ARMH3: variants seen among roughly 807,000 people sequenced by gnomAD.
ARMH3 encodes the protein armadillo-like helical domain-containing protein 3.
A neutral mutation model predicts 99.1 loss-of-function variants in ARMH3; 60 were observed. The observed-to-expected ratio is 0.61, with a 90% CI of 0.49 to 0.75. The LOEUF is 0.75. Among genes scored for constraint, ARMH3 ranks in the 30% least tolerant of loss-of-function variants. ARMH3 has a pLI of 0.00. For synonymous variants in ARMH3, 285 were observed against 292.8 expected (o/e 0.97, Z 0.27); for missense variants, 679 against 843.1 (o/e 0.81, Z 2.41).
chr10:101,853,483 G>A (rs1158098377), intron 24 of ARMH3, among the ~76,000 whole-genome samples: 1 of 152,204 alleles, frequency 6.6e-6, no homozygotes, highest in Non-Finnish European at 1.5e-5. Context: ...CACTTAGGGA[G>A]AGGGCCATCT....
At chr10:101,898,683 C>T (rs764343424) in intron 23 of ARMH3, among the ~76,000 whole-genome samples, 1 of 152,244 alleles carries the variant, frequency 6.6e-6, no homozygotes, top group Admixed American at 6.5e-5. Flanking sequence ...AATACGCGCA[C>T]ACGCGCACAC....
chr10:101,864,073 A>AC (rs1252572038), intron 24 of ARMH3, among the ~76,000 whole-genome samples: 40 of 131,574 alleles, frequency 3.0e-4, no homozygotes, highest in East Asian at 1.1e-3. Flanking sequence ...AAAAAAAAAA[A>AC]AAAAAACACA....
At chr10:102,005,380 C>CAAAAA (rs11344018) in intron 14 of ARMH3, among the ~76,000 whole-genome samples, 3 of 64,904 alleles carry the variant, frequency 4.6e-5, no homozygotes, top group Non-Finnish European at 8.9e-5. Flanking sequence ...GACTCTGTCT[C>CAAAAA]AAAAAAAAAA....
chr10:101,954,236 C>A (rs1027858002), intron 22 of ARMH3, among the ~76,000 whole-genome samples: 1 of 152,116 alleles, frequency 6.6e-6, no homozygotes, highest in Non-Finnish European at 1.5e-5. Context: ...CAATAAGGTA[C>A]AAGAATGTTA....
chr10:101,949,278 C>A, intron 22 of ARMH3, among the ~76,000 whole-genome samples: 1 of 149,134 alleles, frequency 6.7e-6, no homozygotes, highest in Non-Finnish European at 1.5e-5. Flanking sequence ...AGAAAAAAAT[C>A]AATGAAACCA....
intron 24 of ARMH3, among the ~76,000 whole-genome samples, chr10:101,865,870 G>T (rs577635131): frequency 6.6e-6 from 1 of 152,030 alleles, no homozygotes; most frequent in Non-Finnish European, 1.5e-5. Context: ...GCCCTGTGAC[G>T]CTAATCATCT....
intron 13 of ARMH3, 148 bp downstream of exon 13, chr10:102,009,226 A>T: frequency 1.4e-6 from 1 of 718,844 alleles, no homozygotes; most frequent in Non-Finnish European, 2.4e-6. Context: ...ACAGCAGGAA[A>T]CAAAGGCAAC....
chr10:102,045,431 G>A (rs570324774), intron 1 of ARMH3, among the ~76,000 whole-genome samples: 1 of 152,274 alleles, frequency 6.6e-6, no homozygotes, highest in East Asian at 1.9e-4. Flanking sequence ...CCTCTTTGAG[G>A]AAATGGCACT....
At chr10:101,851,261 T>C (rs2066594029) in intron 24 of ARMH3, among the ~76,000 whole-genome samples, 1 of 152,162 alleles carries the variant, frequency 6.6e-6, no homozygotes, top group Admixed American at 6.5e-5. Context: ...CCAGGCCAGA[T>C]GTGACTTCAG....
chr10:102,027,852 T>C (rs1298818073), intron 5 of ARMH3, among the ~76,000 whole-genome samples: 1 of 151,738 alleles, frequency 6.6e-6, no homozygotes, highest in Non-Finnish European at 1.5e-5. Flanking sequence ...TTCTCTGGTA[T>C]ACAGATTTAT....
intron 24 of ARMH3, among the ~76,000 whole-genome samples, chr10:101,850,285 G>A (rs2066565086): frequency 6.6e-6 from 1 of 151,694 alleles, no homozygotes. Flanking sequence ...TTTTAGTAGA[G>A]ATGGTGTTTC....
chr10:102,048,673 C>T (rs1360199106), intron 1 of ARMH3, among the ~76,000 whole-genome samples: 3 of 152,102 alleles, frequency 2.0e-5, no homozygotes, highest in African/African-American at 7.2e-5. Flanking sequence ...TATCCGCCTG[C>T]CTCAGCCTCC....
rs369930477 is a variant in ARMH3 at position 102,033,677 on chromosome 10, C to CA, written c.103-339dup. Among the ~76,000 whole-genome samples the CA allele has an allele frequency of 4.9e-4, 75 of 152,326 alleles. 2 individuals are homozygous for CA. Among genetic ancestry groups the CA allele is most frequent in the African/African-American group, 1.8e-3 (74 of 41,578 alleles). On this transcript the variant is annotated intron_variant, in intron 2 of 25. Coordinates refer to ENST00000370033, the MANE Select transcript of ARMH3 (RefSeq NM_024541.3). ...TCATGATCCGCCCGCCTCAGACTCC[C>CA]AAAGTGCTGGGATTACAGGCGTGAG...
intron 8 of ARMH3, among the ~76,000 whole-genome samples, chr10:102,018,515 T>C (rs1028740325): frequency 2.0e-5 from 3 of 152,228 alleles, no homozygotes; most frequent in Non-Finnish European, 2.9e-5. Context: ...GGTGGTCCCA[T>C]GAGATTATAA....
chr10:101,947,111 C>T (rs565708009), intron 22 of ARMH3, among the ~76,000 whole-genome samples: 59 of 151,880 alleles, frequency 3.9e-4, no homozygotes, highest in African/African-American at 1.4e-3. Flanking sequence ...AGCTTGAACC[C>T]GGGAGGCAGA....
chr10:102,043,604 G>A (rs2067472651), intron 1 of ARMH3, among the ~76,000 whole-genome samples: 1 of 152,186 alleles, frequency 6.6e-6, no homozygotes. Flanking sequence ...AACATTCTGT[G>A]ACTATGCTAT....
At position 101,957,736 on chromosome 10, in the gene ARMH3, T is replaced by TAAA. The variant is rs370503995; in HGVS notation, c.1496-7_1496-5dup. ...AACTTCAGCAAATTTATCAAGGCTT[T>TAAA]AAAAAAAAAAAAAAAGACATCAACA... On this transcript the variant is annotated splice_region_variant and splice_polypyrimidine_tract_variant and intron_variant, in intron 20 of 25. Coordinates refer to ENST00000370033, the MANE Select transcript of ARMH3 (RefSeq NM_024541.3). 241 of 1,430,786 alleles carry TAAA rather than the reference T, an allele frequency of 1.7e-4. No homozygotes were observed. Among genetic ancestry groups the TAAA allele is most frequent in the Admixed American group, 5.2e-4 (21 of 40,558 alleles). The allele number at this position is 1,430,786 out of a possible 1,614,324, so 88.6% of individuals were successfully genotyped here.
intron 1 of ARMH3, among the ~76,000 whole-genome samples, chr10:102,054,901 G>A (rs2067800603): frequency 6.6e-6 from 1 of 151,602 alleles, no homozygotes; most frequent in Non-Finnish European, 1.5e-5. Context: ...GGGGCTGACG[G>A]GGAAGAATCG....
At chr10:101,999,708 G>C (rs1282824656) in intron 15 of ARMH3, among the ~76,000 whole-genome samples, 2 of 152,094 alleles carry the variant, frequency 1.3e-5, no homozygotes, top group African/African-American at 2.4e-5. Flanking sequence ...TGGATATCTA[G>C]GAAAATGTCC....
Sources: gnomAD v4.1 joint callset for allele counts (sites outside exome capture counted in the v4.1 genomes callset) on GRCh38, gnomAD v4.1.1 for gene constraint, MANE v1.5 for transcripts, NCBI Gene and HGNC (gene_info 2026-07-23, HGNC 2026-07-21) for gene names.